PCDHA3: variants seen among roughly 807,000 people sequenced by gnomAD.
PCDHA3 encodes the protein protocadherin alpha-3.
In PCDHA3, 41 loss-of-function variants were observed where a neutral mutation model predicts 62.2. That is an observed-to-expected ratio of 0.66 (90% CI 0.51 to 0.86). The LOEUF (loss-of-function observed/expected upper bound fraction) is 0.86, where lower values mean the gene tolerates loss of function less well. Ranked by LOEUF, PCDHA3 falls within the 40% of genes least tolerant of loss-of-function variation. PCDHA3 has a pLI of 0.00. For synonymous variants in PCDHA3, 640 were observed against 555.4 expected (o/e 1.15, Z -2.14); for missense variants, 1,304 against 1,241.2 (o/e 1.05, Z -0.76).
chr5:140,807,529 G>A, intron 1 of PCDHA3: 1 of 1,614,174 alleles, frequency 6.2e-7, no homozygotes, highest in Non-Finnish European at 8.5e-7. Flanking sequence ...ACAGGCCGCT[G>A]CAGGTTTTCC....
chr5:140,805,594 A>G (rs1391183076), intron 1 of PCDHA3: 15 of 928,000 alleles, frequency 1.6e-5, no homozygotes, highest in Non-Finnish European at 1.8e-5. Flanking sequence ...TTATGTCTTT[A>G]TATATTAAAT....
chr5:140,818,094 G>T (rs1213781361), intron 1 of PCDHA3, among the ~76,000 whole-genome samples: 1 of 151,990 alleles, frequency 6.6e-6, no homozygotes, highest in African/African-American at 2.4e-5. Flanking sequence ...TATATCTGTG[G>T]GTTGATAATA....
In PCDHA3 at chr5:140,802,179, C is replaced by G; in HGVS notation, c.982C>G (p.Pro328Ala). 1 of 1,614,140 alleles carries G rather than the reference C, an allele frequency of 6.2e-7. No homozygotes were observed. The highest frequency in any genetic ancestry group is 8.5e-7 in the Non-Finnish European group (1 of 1,179,962). Residue 328 changes from proline to alanine, a missense_variant, in exon 1 of 4, where the codon CCC (proline) becomes GCC (alanine). Physicochemically the swap from Pro to Ala is conservative, Grantham distance 27. Coordinates refer to ENST00000522353, the MANE Select transcript of PCDHA3 (RefSeq NM_018906.3). ...GGTAGAAGCCACGGATAAAGGAAAT[C>G]CCCCAATGTCAGATCACTGCACAGT... ...IQVEATDKGN[P>A]PMSDHCTVLL...
intron 1 of PCDHA3, chr5:140,969,039 A>G: frequency 6.2e-7 from 1 of 1,614,130 alleles, no homozygotes; most frequent in Non-Finnish European, 8.5e-7. Context: ...GAACTGTACA[A>G]ACAAGCCAAC....
intron 1 of PCDHA3, chr5:140,823,399 C>T: frequency 6.2e-7 from 1 of 1,612,960 alleles, no homozygotes; most frequent in South Asian, 1.1e-5. Context: ...CGCGGGCGTG[C>T]CGCCTCTGGG....
Position 141,010,446 on chromosome 5 carries a change from C to A in PCDHA3, c.*509C>A. On this transcript the variant is annotated 3_prime_UTR_variant, in exon 4 of 4. Coordinates refer to ENST00000522353, the MANE Select transcript of PCDHA3 (RefSeq NM_018906.3). ...AGGCAAGAAAACAAAGACAAATAAA[C>A]AGCGGAAGTTATCAGTATGGAGGGG... 1 of 944,706 alleles carries A rather than the reference C, an allele frequency of 1.1e-6. No homozygotes were observed. The highest frequency in any genetic ancestry group is 1.7e-5 in the African/African-American group (1 of 60,424). The allele number at this position is 944,706 out of a possible 1,614,324, so 58.5% of individuals were successfully genotyped here.
intron 1 of PCDHA3, chr5:140,928,720 A>G (rs2085475122): frequency 6.2e-7 from 1 of 1,614,076 alleles, no homozygotes. Flanking sequence ...TAGTCTCTTT[A>G]GAATTTCAGC....
chr5:140,941,619 C>T (rs1300512502), intron 1 of PCDHA3, among the ~76,000 whole-genome samples: 1 of 151,848 alleles, frequency 6.6e-6, no homozygotes, highest in African/African-American at 2.4e-5. Flanking sequence ...CCAGCCCATC[C>T]TGCTTCTTAA....
intron 1 of PCDHA3, chr5:140,877,110 C>A (rs1554169339): frequency 1.1e-5 from 18 of 1,613,500 alleles, no homozygotes; most frequent in Middle Eastern, 1.7e-4. Flanking sequence ...CGCCTCTGGG[C>A]AGCAACGTGA....
chr5:140,841,805 G>C (rs1442483448), intron 1 of PCDHA3: 1 of 1,613,818 alleles, frequency 6.2e-7, no homozygotes, highest in African/African-American at 1.3e-5. Context: ...CGATGCAGAT[G>C]TTGGAGCTAA....
At chr5:140,831,834 T>C (rs1272753389) in intron 1 of PCDHA3, among the ~76,000 whole-genome samples, 4 of 152,326 alleles carry the variant, frequency 2.6e-5, no homozygotes, top group East Asian at 3.9e-4. Context: ...CTAGTTTCAA[T>C]GATAGAATTG....
At chr5:140,931,662 T>C (rs905670675) in intron 1 of PCDHA3, among the ~76,000 whole-genome samples, 2 of 152,028 alleles carry the variant, frequency 1.3e-5, no homozygotes, top group Non-Finnish European at 2.9e-5. Context: ...GTGGGCTGGA[T>C]ATTTCCTTAT....
In PCDHA3 at chr5:140,844,917, G is replaced by T. The variant is rs2150375061; in HGVS notation, c.2394+41326G>T. On this transcript the variant is annotated intron_variant, in intron 1 of 3. Coordinates refer to ENST00000522353, the MANE Select transcript of PCDHA3 (RefSeq NM_018906.3). ...TGCTTTGGAGAGAATGGTAGAAATT[G>T]ATGGAAGGGAATGAACGATTTCTGG... 3.9e-4 allele frequency among the ~76,000 whole-genome samples: 58 copies of T among 149,480 alleles called. 5 individuals carry two copies. The highest frequency in any genetic ancestry group is 2.2e-3 in the Admixed American group (33 of 14,920).
At chr5:140,884,501 G>T (rs2060219226) in intron 1 of PCDHA3, 2 of 1,614,146 alleles carry the variant, frequency 1.2e-6, no homozygotes, top group Non-Finnish European at 1.7e-6. Context: ...CTCCAGCGCG[G>T]CAGGGAGTTG....
chr5:140,883,530 A>G, intron 1 of PCDHA3: 1 of 1,614,156 alleles, frequency 6.2e-7, no homozygotes. Flanking sequence ...GTATCAGCCT[A>G]TGAACTGGTG....
rs933077933 is a variant in PCDHA3, at chr5:140,803,501, C to T, written c.2304C>T (p.Asp768=). ...VCSGEGLPKT[D]LMAFSPSLPP... Reference sequence around the variant, plus strand: ...CTGGAGAGGGGTTGCCCAAGACCGACCTCATGGCTTTTAGCCCTAGCCTTC... The same window carrying T: ...CTGGAGAGGGGTTGCCCAAGACCGATCTCATGGCTTTTAGCCCTAGCCTTC... Residue 768 remains aspartate (D), a synonymous_variant, in exon 1 of 4, where the codon GAC becomes GAT. Transcript: ENST00000522353. The T allele has an allele frequency of 1.2e-6, 2 of 1,614,222 alleles. No individual in the cohort carries two copies. Among genetic ancestry groups the T allele is most frequent in the South Asian group, 2.2e-5 (2 of 91,086 alleles).
chr5:140,887,361 G>T (rs2061424710), intron 1 of PCDHA3, among the ~76,000 whole-genome samples: 1 of 152,144 alleles, frequency 6.6e-6, no homozygotes, highest in South Asian at 2.1e-4. Flanking sequence ...CTCCCAAAGT[G>T]CTGGGATTAC....
intron 1 of PCDHA3, chr5:140,969,456 A>G (rs963968770): frequency 4.0e-6 from 6 of 1,508,992 alleles, no homozygotes; most frequent in Admixed American, 2.2e-5. Flanking sequence ...CTGAGTATAT[A>G]TAGTATCCAC....
rs2150469499 is a variant in PCDHA3 at position 140,850,144 on chromosome 5, C to T, written c.2394+46553C>T. 59 of 1,595,512 alleles carry T rather than the reference C, an allele frequency of 3.7e-5. 6 individuals carry two copies. Among genetic ancestry groups the T allele is most frequent in the Non-Finnish European group, 4.5e-5 (53 of 1,167,848 alleles). On this transcript the variant is annotated intron_variant, in intron 1 of 3. Coordinates refer to ENST00000522353, the MANE Select transcript of PCDHA3 (RefSeq NM_018906.3). ...GTGCCGCCTCTGGGCAGCAACGTGA[C>T]GCTGCAGGTGTTCGTGCTGGACGAG... is the stretch of plus-strand genomic sequence containing the variant.
Sources: gnomAD v4.1 joint callset for allele counts (sites outside exome capture counted in the v4.1 genomes callset) on GRCh38, gnomAD v4.1.1 for gene constraint, MANE v1.5 for transcripts, NCBI Gene and HGNC (gene_info 2026-07-23, HGNC 2026-07-21) for gene names.